DDX54: variants seen among roughly 807,000 people sequenced by gnomAD.
DDX54 encodes DEAD-box helicase 54.
In DDX54, 67 loss-of-function variants were observed where a neutral mutation model predicts 105.5. That is an observed-to-expected ratio of 0.64 (90% CI 0.52 to 0.78). DDX54 has a LOEUF of 0.78. Ranked by LOEUF, DDX54 falls within the 30% of genes least tolerant of loss-of-function variation. The pLI is 0.00. For synonymous variants in DDX54, 514 were observed against 509.9 expected (o/e 1.01, Z -0.11); for missense variants, 1,206 against 1,230.5 (o/e 0.98, Z 0.30).
chr12:113,167,212 A>C (rs1363681356), intron 12 of DDX54, among the ~76,000 whole-genome samples: 1 of 152,022 alleles, frequency 6.6e-6, no homozygotes, highest in Non-Finnish European at 1.5e-5. Flanking sequence ...CCCCATCTCT[A>C]CAAAAAATTA....
At position 113,180,963 on chromosome 12, in the gene DDX54, C is replaced by CTTG; in HGVS notation, c.267_269dup (p.Asn89dup). On this transcript the variant is annotated inframe_insertion, in exon 2 of 20. Coordinates refer to ENST00000306014, the MANE Select transcript of DDX54 (RefSeq NM_024072.4). Reference sequence around the variant, plus strand: ...GGAAGCCTCCAGACTTCTTCTTCTTCTTGTTCTGGGCACGCACCATCTCCC... The same window carrying CTTG: ...GGAAGCCTCCAGACTTCTTCTTCTTCTTGTTGTTCTGGGCACGCACCATCTCCC... The CTTG allele has an allele frequency of 6.2e-7, 1 of 1,613,418 alleles. No individual in the cohort carries two copies. The highest frequency in any genetic ancestry group is 8.5e-7 in the Non-Finnish European group (1 of 1,179,680).
Position 113,157,693 on chromosome 12 carries a change from G to A in DDX54, c.*1184C>T. On this transcript the variant is annotated 3_prime_UTR_variant, in exon 20 of 20. Transcript: ENST00000306014. ...CCTGCCTCCTAGCCCTGACACAGGT[G>A]AGCAGCGGGAGAGGGAACCCCTGAG... is the stretch of plus-strand genomic sequence containing the variant. 4 of 1,549,984 alleles carry A rather than the reference G, an allele frequency of 2.6e-6. No individual in the cohort carries two copies. The highest frequency in any genetic ancestry group is 2.6e-6 in the Non-Finnish European group (3 of 1,145,858).
chr12:113,174,934 G>A lies in DDX54; in HGVS notation c.877C>T (p.Leu293Phe). The change falls in exon 9 of 20, where the codon CTC (leucine) becomes TTC (phenylalanine). Residue 293 changes from leucine to phenylalanine, a missense_variant and splice_region_variant. Physicochemically the swap from Leu to Phe is conservative, Grantham distance 22. This residue lies in a region of DDX54 where 961 missense variants were observed against 1,019.1 expected (regional missense o/e 0.94). Transcript: ENST00000306014. ...KLLVEFARAG[L>F]TEPVLIRLDV... ...AGCCGGATGAGCACGGGCTCCGTGAGGCCTGCAGGAGACATGGGGGAAAGT... is the reference window on the plus strand; with the variant it reads ...AGCCGGATGAGCACGGGCTCCGTGAAGCCTGCAGGAGACATGGGGGAAAGT... 2.5e-6 allele frequency: 4 copies of A among 1,613,250 alleles called. No individual in the cohort carries two copies. The highest frequency in any genetic ancestry group is 3.4e-6 in the Non-Finnish European group (4 of 1,179,630).
chr12:113,167,918 C>T (rs1952295180), intron 12 of DDX54: 1 of 510,052 alleles, frequency 2.0e-6, no homozygotes, highest in Non-Finnish European at 3.9e-6. Flanking sequence ...TCACTGGGCC[C>T]CTGGGGCTGC....
chr12:113,185,365 G>A lies in DDX54; in HGVS notation c.87C>T (p.Arg29=), dbSNP rs1474791419. The A allele has an allele frequency of 4.4e-6, 7 of 1,578,158 alleles. No homozygotes were observed. The highest frequency in any genetic ancestry group is 2.3e-5 in the East Asian group (1 of 42,558). The change falls in exon 1 of 20, where the codon CGC becomes CGT. Residue 29 remains arginine (R), a synonymous_variant. Coordinates refer to ENST00000306014, the MANE Select transcript of DDX54 (RefSeq NM_024072.4). ...QWRKKKGLRK[R]RGAASQARGS... is the part of the protein sequence containing the mutation. Reference sequence around the variant, plus strand: ...CGCGGGCCTGGGAGGCCGCGCCTCGGCGCTTCCGGAGCCCTTTCTTCTTCC... The same window carrying A: ...CGCGGGCCTGGGAGGCCGCGCCTCGACGCTTCCGGAGCCCTTTCTTCTTCC...
intron 19 of DDX54, among the ~76,000 whole-genome samples, chr12:113,159,731 G>A (rs1051250923): frequency 1.6e-4 from 24 of 152,148 alleles, no homozygotes; most frequent in Admixed American, 9.8e-4. Context: ...AGATCACACA[G>A]CAAAGCAGCA....
intron 11 of DDX54, among the ~76,000 whole-genome samples, chr12:113,171,154 G>A (rs1246195271): frequency 6.6e-6 from 1 of 152,164 alleles, no homozygotes; most frequent in Non-Finnish European, 1.5e-5. Context: ...CAGAAACTAG[G>A]GGACAGCAGA....
rs903299078 is a variant in DDX54, at chr12:113,180,519, C to T, written c.304+410G>A. ...CGCTAAGATTACAGGCATGAGTCAT[C>T]GCACCCAGCACTCATCTTGATATTT... is the stretch of plus-strand genomic sequence containing the variant. On this transcript the variant is annotated intron_variant, in intron 2 of 19. Coordinates refer to ENST00000306014, the MANE Select transcript of DDX54 (RefSeq NM_024072.4). Among the ~76,000 whole-genome samples the T allele has an allele frequency of 3.9e-5, 6 of 152,276 alleles. 1 individual carries two copies. Among genetic ancestry groups the T allele is most frequent in the South Asian group, 2.1e-4 (1 of 4,822 alleles).
chr12:113,178,611 C>T (rs976513011), intron 5 of DDX54: 3 of 191,240 alleles, frequency 1.6e-5, no homozygotes, highest in Non-Finnish European at 3.2e-5. Flanking sequence ...AATGCCATCT[C>T]GGCTCACTGC....
At chr12:113,172,610 AGAAAG>A in intron 10 of DDX54, 47 bp from the exon 11 acceptor site, 1 of 1,600,116 alleles carries the variant, frequency 6.2e-7, no homozygotes, top group Non-Finnish European at 8.5e-7. Context: ...GACTTGGAGG[AGAAAG>A]GAAAGGAAGC....
chr12:113,170,375 T>C (rs1156237857), intron 11 of DDX54, among the ~76,000 whole-genome samples: 5 of 152,208 alleles, frequency 3.3e-5, no homozygotes. Flanking sequence ...GGCTGGTGGC[T>C]CACGCCTGTA....
At chr12:113,185,202 G>A in intron 1 of DDX54, 76 bp downstream of exon 1, 1 of 1,417,810 alleles carries the variant, frequency 7.1e-7, no homozygotes, top group Non-Finnish European at 9.2e-7. Flanking sequence ...TCCCCAGCTG[G>A]GGAAACTGAG....
In DDX54 at chr12:113,163,238, G is replaced by A. The variant is rs373380709; in HGVS notation, c.1975C>T (p.Arg659Trp). The A allele has an allele frequency of 1.6e-5, 26 of 1,610,860 alleles. No homozygotes were observed. The South Asian group carries it at 2.1e-4, about 13-fold the overall frequency. Residue 659 changes from arginine (R) to tryptophan (W), a missense_variant, in exon 16 of 20, where the codon CGG becomes TGG. Physicochemically the swap from Arg to Trp is moderately radical, Grantham distance 101. This residue lies in a region of DDX54 where 961 missense variants were observed against 1,019.1 expected (regional missense o/e 0.94). Coordinates refer to ENST00000306014, the MANE Select transcript of DDX54 (RefSeq NM_024072.4). The surrounding 1 kb of genome is among the most constrained non-coding windows in gnomAD (Gnocchi z 5.9). ...TTGGCTCCCCTGTTGGGTCCTGACCGCTGCCGCTTCCGGCCCACGACCTCT... is the reference window on the plus strand; with the variant it reads ...TTGGCTCCCCTGTTGGGTCCTGACCACTGCCGCTTCCGGCCCACGACCTCT... ...FSEVVGRKRQ[R>W]SGPNRGAKRR... is the part of the protein sequence containing the mutation.
At chr12:113,162,838 G>A (rs1952225323) in intron 17 of DDX54, 94 bp downstream of exon 17, 1 of 1,229,918 alleles carries the variant, frequency 8.1e-7, no homozygotes, top group Non-Finnish European at 1.1e-6. Context: ...TGGAGGGAGG[G>A]GCGGCTCACT....
rs191551413 is a variant in DDX54 at position 113,163,956 on chromosome 12, A to C, written c.1938+111T>G. 4,648 of 1,431,912 alleles carry C rather than the reference A, an allele frequency of 3.2e-3. 13 individuals are homozygous for C. Among genetic ancestry groups the C allele is most frequent in the Admixed American group, 6.8e-3 (243 of 35,744 alleles). The allele number at this position is 1,431,912 out of a possible 1,614,324, so 88.7% of individuals were successfully genotyped here. ...ACTCTGCAGATGGGAAGCTGACTGC[A>C]TCCACCTCCATCCACTGCTCAAAGA... On this transcript the variant is annotated intron_variant, in intron 15 of 19. Coordinates refer to ENST00000306014, the MANE Select transcript of DDX54 (RefSeq NM_024072.4). The surrounding 1 kb of genome is among the most constrained non-coding windows in gnomAD (Gnocchi z 5.9).
chr12:113,161,415 C>T (rs771555124), intron 18 of DDX54, 33 bp from the exon 19 acceptor site: 2 of 1,563,338 alleles, frequency 1.3e-6, no homozygotes, highest in South Asian at 2.3e-5. Flanking sequence ...CTGCGTGAAG[C>T]CCCTGGGATG....
At position 113,181,014 on chromosome 12, in the gene DDX54, G is replaced by A. The variant is rs543719474; in HGVS notation, c.219C>T (p.Cys73=). The stretch of plus-strand genomic sequence containing the variant: ...GGGTGTCCGGCTCCACATCCGAGGT[G>A]CATTCCGAGGTGGGGAAGGTGGGCA... The part of the protein sequence containing the change: ...RPLPTFPTSE[C]TSDVEPDTRE... The change falls in exon 2 of 20, where the codon TGC becomes TGT. Residue 73 remains cysteine (C), a synonymous_variant. Coordinates refer to ENST00000306014, the MANE Select transcript of DDX54 (RefSeq NM_024072.4). 2 of 1,613,414 alleles carry A rather than the reference G, an allele frequency of 1.2e-6. No homozygotes were observed. Among genetic ancestry groups the A allele is most frequent in the South Asian group, 2.2e-5 (2 of 90,910 alleles).
Position 113,166,077 on chromosome 12 carries a change from C to T in DDX54, c.1415-45G>A, listed in dbSNP as rs758238960. 10 of 1,564,192 alleles carry T rather than the reference C, an allele frequency of 6.4e-6. No individual in the cohort carries two copies. The South Asian group carries it at 6.9e-5, about 11-fold the overall frequency. On this transcript the variant is annotated intron_variant, in intron 12 of 19. Coordinates refer to ENST00000306014, the MANE Select transcript of DDX54 (RefSeq NM_024072.4). ...TTGTCAGAGGTCTTTCAGCCTGGCCCGCCTGTCCACTGCCCGACCACCACT... is the reference window on the plus strand; with the variant it reads ...TTGTCAGAGGTCTTTCAGCCTGGCCTGCCTGTCCACTGCCCGACCACCACT...
intron 17 of DDX54, 151 bp downstream of exon 17, chr12:113,162,781 C>T (rs577171219): frequency 2.0e-4 from 140 of 709,608 alleles, no homozygotes; most frequent in Non-Finnish European, 2.3e-4. Flanking sequence ...CTCGATCACT[C>T]ACCCCGGGCA....
Sources: allele counts gnomAD v4.1 joint callset (sites outside exome capture counted in the v4.1 genomes callset), GRCh38; gene constraint gnomAD v4.1.1; regional missense constraint gnomAD v4.1.1; non-coding constraint Gnocchi (gnomAD v3.1); transcripts MANE v1.5; gene names NCBI Gene and HGNC (gene_info 2026-07-23, HGNC 2026-07-21).